Variants in OSBP2 observed in about 807,000 individuals in gnomAD.
OSBP2 encodes oxysterol-binding protein 2.
OSBP2 carries 66 observed loss-of-function variants against 96.0 expected under a neutral mutation model. The ratio of observed to expected loss-of-function variants is 0.69; its 90% CI spans 0.56 to 0.84. OSBP2 has a LOEUF of 0.84. OSBP2 is among the 40% of genes least tolerant of loss of function. OSBP2 has a pLI of 0.00. For missense variants in OSBP2, 1,038 were observed against 1,222.7 expected (o/e 0.85, Z 2.25); for synonymous variants, 525 against 520.9 (o/e 1.01, Z -0.11).
At chr22:30,721,444 G>A (rs1021162582) in intron 1 of OSBP2, among the ~76,000 whole-genome samples, 2 of 152,122 alleles carry the variant, frequency 1.3e-5, no homozygotes, top group African/African-American at 4.8e-5. Flanking sequence ...TGAATGCTGC[G>A]CTGACTGAAT....
chr22:30,699,984 A>T (rs368054981), intron 1 of OSBP2, among the ~76,000 whole-genome samples: 3 of 146,132 alleles, frequency 2.1e-5, no homozygotes, highest in Non-Finnish European at 3.0e-5. Flanking sequence ...TTTTTTTGAG[A>T]TGGAGTCTCG....
At chr22:30,822,801 G>C in intron 2 of OSBP2, 2 of 1,162,384 alleles carry the variant, frequency 1.7e-6, no homozygotes, top group Non-Finnish European at 2.4e-6. Context: ...TCGATCCACG[G>C]GAGCCTCTGA....
chr22:30,859,434 T>G (rs1322778836), intron 2 of OSBP2, among the ~76,000 whole-genome samples: 1 of 152,232 alleles, frequency 6.6e-6, no homozygotes, highest in Non-Finnish European at 1.5e-5. Flanking sequence ...GGTCAGGGAT[T>G]GCTGACCCCA....
At chr22:30,745,246 A>G (rs75144555) in intron 2 of OSBP2, among the ~76,000 whole-genome samples, 5,781 of 152,320 alleles carry the variant, frequency 0.038, 183 homozygotes, top group African/African-American at 0.081. Flanking sequence ...TTATAGCGCT[A>G]AAAGTGTATG....
intron 12 of OSBP2, among the ~76,000 whole-genome samples, chr22:30,898,865 A>T (rs1343232026): frequency 5.5e-5 from 3 of 54,424 alleles, no homozygotes; most frequent in Non-Finnish European, 1.0e-4. Flanking sequence ...CTTTATATTA[A>T]TAATAATAAT....
At chr22:30,725,647 C>T (rs569601560) in intron 1 of OSBP2, among the ~76,000 whole-genome samples, 1 of 152,256 alleles carries the variant, frequency 6.6e-6, no homozygotes, top group Non-Finnish European at 1.5e-5. Context: ...GATCTCCTCC[C>T]CTTTCCTGGC....
rs994270304 is a variant in OSBP2, at chr22:30,695,236, GTCAAGC to G, written c.331_336del (p.Ser111_Ser112del). 6.2e-7 allele frequency: 1 copy of G among 1,613,432 alleles called. No homozygotes were observed. Among genetic ancestry groups the G allele is most frequent in the African/African-American group, 1.3e-5 (1 of 74,946 alleles). On this transcript the variant is annotated inframe_deletion, in exon 1 of 14. Transcript: ENST00000332585. ...TGCAGGGGTCGCGGCCGGGGTCAGA[GTCAAGC>G]TCAGGTGTAGGGGCTGGGCCCTTCA...
intron 2 of OSBP2, chr22:30,822,584 G>T: frequency 6.6e-7 from 1 of 1,519,818 alleles, no homozygotes; most frequent in Non-Finnish European, 8.8e-7. Context: ...CCCGGGACCC[G>T]GCGCCATGTA....
At chr22:30,822,482 T>A (rs1474102592) in intron 2 of OSBP2, 1 of 1,134,170 alleles carries the variant, frequency 8.8e-7, no homozygotes, top group Admixed American at 3.9e-5. Context: ...CGGGCGGCAG[T>A]GGTGCATTGT....
chr22:30,893,896 C>A lies in OSBP2; in HGVS notation c.2270C>A (p.Ser757Tyr). 1.3e-6 allele frequency: 2 copies of A among 1,587,042 alleles called. No individual in the cohort carries two copies. Among genetic ancestry groups the A allele is most frequent in the Non-Finnish European group, 1.7e-6 (2 of 1,166,594 alleles). Residue 757 changes from serine to tyrosine, a missense_variant, in exon 12 of 14, where the codon TCC becomes TAC. Coordinates refer to ENST00000332585, the MANE Select transcript of OSBP2 (RefSeq NM_030758.4). ...SGSWDEQMECSKVMHSSPSSP... is the reference protein window; with the variant it reads ...SGSWDEQMECYKVMHSSPSSP... ...TCGTGGGATGAACAAATGGAGTGCT[C>A]CAAGGTCATGCATAGCAGTCCCAGC...
intron 3 of OSBP2, among the ~76,000 whole-genome samples, chr22:30,883,029 A>G (rs1392877809): frequency 1.3e-5 from 2 of 152,244 alleles, no homozygotes; most frequent in Admixed American, 1.3e-4. Context: ...GACATGAGGT[A>G]TATGAAAACA....
chr22:30,886,676 A>AAAGT (rs1051488417), intron 3 of OSBP2, among the ~76,000 whole-genome samples: 1 of 152,200 alleles, frequency 6.6e-6, no homozygotes, highest in Non-Finnish European at 1.5e-5. Flanking sequence ...GTCAGGTTGG[A>AAAGT]AAGTAAGTCA....
In OSBP2 at chr22:30,827,683, G is replaced by A. The variant is rs147111467; in HGVS notation, c.854-42746G>A. 3.7e-3 allele frequency among the ~76,000 whole-genome samples: 568 copies of A among 152,284 alleles called. 3 individuals carry two copies. Among genetic ancestry groups the A allele is most frequent in the South Asian group, 0.013 (61 of 4,824 alleles). ...AACCTGTCAAGGCAACCATGGGCCC[G>A]TGGGCATGGGACAAGTCCAGTCCTT... On this transcript the variant is annotated intron_variant, in intron 2 of 13. Transcript: ENST00000332585.
At chr22:30,773,103 A>ATTT (rs695837) in intron 2 of OSBP2, 33,644 of 123,032 alleles carry the variant, frequency 0.27, 4,569 homozygotes, top group East Asian at 0.31. Context: ...GTTAAACACG[A>ATTT]TTTTTTTTTT....
intron 2 of OSBP2, among the ~76,000 whole-genome samples, chr22:30,849,466 G>A (rs921373901): frequency 5.3e-5 from 8 of 151,934 alleles, no homozygotes; most frequent in African/African-American, 9.7e-5. Context: ...ATCTCATTAC[G>A]GTTTTAATTT....
At chr22:30,765,692 T>G (rs1163345833) in intron 2 of OSBP2, among the ~76,000 whole-genome samples, 1 of 152,200 alleles carries the variant, frequency 6.6e-6, no homozygotes, top group Non-Finnish European at 1.5e-5. Flanking sequence ...TTACTCCACA[T>G]ATTTATTTAA....
chr22:30,904,675 G>A (rs556912579), intron 12 of OSBP2, among the ~76,000 whole-genome samples: 1 of 152,200 alleles, frequency 6.6e-6, no homozygotes, highest in African/African-American at 2.4e-5. Flanking sequence ...AAGGCCTGCT[G>A]GACAGTTATA....
intron 1 of OSBP2, among the ~76,000 whole-genome samples, chr22:30,733,086 C>T (rs1160133954): frequency 6.6e-6 from 1 of 152,174 alleles, no homozygotes; most frequent in African/African-American, 2.4e-5. Flanking sequence ...ATTGTGTATC[C>T]CTCCAAGGTG....
At chr22:30,790,096 G>C (rs2090651158) in intron 2 of OSBP2, among the ~76,000 whole-genome samples, 1 of 152,090 alleles carries the variant, frequency 6.6e-6, no homozygotes, top group African/African-American at 2.4e-5. Context: ...CAGCCCCTTG[G>C]GTCAGCAGAT....
Sources: gnomAD v4.1 joint callset for allele counts (sites outside exome capture counted in the v4.1 genomes callset) on GRCh38, gnomAD v4.1.1 for gene constraint, MANE v1.5 for transcripts, NCBI Gene and HGNC (gene_info 2026-07-23, HGNC 2026-07-21) for gene names.